The following BLTP1 variants were observed in gnomAD, a reference collection of about 807,000 sequenced individuals.
BLTP1 encodes the protein fragile site-associated protein.
the BLTP1 span, chr4:122,237,485 T>C: frequency 1.7e-6 from 1 of 588,418 alleles, no homozygotes; most frequent in South Asian, 7.6e-5. Flanking sequence ...CTGTCAACAT[T>C]GAACTTTTAG....
At chr4:122,309,452 G>A in the BLTP1 span, 1 of 1,612,688 alleles carries the variant, frequency 6.2e-7, no homozygotes, top group Non-Finnish European at 8.5e-7. Flanking sequence ...TGGGGATTTA[G>A]TGATGAATGC....
At chr4:122,194,108 C>T in the BLTP1 span, among the ~76,000 whole-genome samples, 4 of 152,086 alleles carry the variant, frequency 2.6e-5, no homozygotes, top group Non-Finnish European at 4.4e-5. Flanking sequence ...GTGATCCGCC[C>T]GCTTCGGCCT....
the BLTP1 span, chr4:122,263,528 G>A: frequency 6.2e-7 from 1 of 1,613,338 alleles, no homozygotes; most frequent in Admixed American, 1.7e-5. Flanking sequence ...GATGTCAAAT[G>A]CTGTGGGTAA....
chr4:122,207,683 A>G, the BLTP1 span: 1 of 1,432,436 alleles, frequency 7.0e-7, no homozygotes, highest in African/African-American at 1.4e-5. Flanking sequence ...GTGTATTAGT[A>G]AATTTGATTT....
At chr4:122,308,260 A>C in the BLTP1 span, 161 of 1,311,344 alleles carry the variant, frequency 1.2e-4, 2 homozygotes, top group South Asian at 2.2e-3. Flanking sequence ...TCAGTGTAAC[A>C]GTTTATAACT....
chr4:122,361,911 C>T, the BLTP1 span: 9 of 1,107,866 alleles, frequency 8.1e-6, no homozygotes, highest in Middle Eastern at 3.1e-4. Flanking sequence ...TACAAATGTA[C>T]CTACTGAAAA....
the BLTP1 span, chr4:122,229,626 C>A: frequency 1.4e-6 from 1 of 693,246 alleles, no homozygotes; most frequent in Non-Finnish European, 1.8e-6. Flanking sequence ...GATTGTAGTG[C>A]AAAATCAAGC....
At chr4:122,260,403 G>GA in the BLTP1 span, among the ~76,000 whole-genome samples, 1 of 151,940 alleles carries the variant, frequency 6.6e-6, no homozygotes. Context: ...TTATCAGTAA[G>GA]AAAAAAGCCA....
the BLTP1 span, among the ~76,000 whole-genome samples, chr4:122,293,723 G>A: frequency 1.3e-5 from 2 of 152,160 alleles, no homozygotes; most frequent in East Asian, 1.9e-4. Flanking sequence ...GATTCAAGCA[G>A]TGTCATTTTA....
chr4:122,292,640 T>G, the BLTP1 span: 1 of 911,982 alleles, frequency 1.1e-6, no homozygotes, highest in Admixed American at 6.2e-5. Flanking sequence ...AAGAATCTGC[T>G]TTTAACCAAG....
the BLTP1 span, chr4:122,198,379 A>G: frequency 1.0e-6 from 1 of 985,386 alleles, no homozygotes; most frequent in Non-Finnish European, 1.2e-6. Context: ...TCTTTTAGAA[A>G]AGCCATACAT....
chr4:122,194,367 G>T, the BLTP1 span: 1 of 187,124 alleles, frequency 5.3e-6, no homozygotes, highest in Non-Finnish European at 1.0e-5. Context: ...TAGGTCATTT[G>T]TTAAACTTGA....
chr4:122,208,061 AT>A, the BLTP1 span: 2 of 985,230 alleles, frequency 2.0e-6, no homozygotes, highest in Non-Finnish European at 2.4e-6. Flanking sequence ...TAAGCTCAAA[AT>A]TTTATGGAAC....
At chr4:122,220,935 T>C in the BLTP1 span, 1 of 227,008 alleles carries the variant, frequency 4.4e-6, no homozygotes, top group Non-Finnish European at 7.3e-6. Flanking sequence ...CTGGGCTCTT[T>C]TAAAAGAGAA....
At chr4:122,341,563 TG>T in the BLTP1 span, 24 of 396,690 alleles carry the variant, frequency 6.1e-5, no homozygotes, top group Admixed American at 6.4e-5. Flanking sequence ...GAAAGGAATA[TG>T]AAATGAGAAA....
At chr4:122,221,724 G>A in the BLTP1 span, 4 of 865,290 alleles carry the variant, frequency 4.6e-6, no homozygotes, top group Admixed American at 6.2e-5. Flanking sequence ...CATTAGAATC[G>A]GTTGTTTTTT....
the BLTP1 span, chr4:122,200,837 T>C: frequency 5.1e-6 from 4 of 783,218 alleles, no homozygotes; most frequent in Middle Eastern, 6.4e-4. Flanking sequence ...GATGTAGCCA[T>C]GGATATTGAC....
chr4:122,229,339 C>T, the BLTP1 span: 3 of 882,024 alleles, frequency 3.4e-6, no homozygotes, highest in Non-Finnish European at 4.9e-6. Context: ...TGTCATCTCA[C>T]AGACAGCCAC....
At chr4:122,159,564 T>C in the BLTP1 span, among the ~76,000 whole-genome samples, 4 of 152,188 alleles carry the variant, frequency 2.6e-5, no homozygotes, top group Admixed American at 2.6e-4. Context: ...TTTCACTTTG[T>C]TGTTGAATTG....
Sources: allele counts gnomAD v4.1 joint callset (sites outside exome capture counted in the v4.1 genomes callset), GRCh38; gene constraint gnomAD v4.1.1; transcripts MANE v1.5; gene names NCBI Gene and HGNC (gene_info 2026-07-23, HGNC 2026-07-21).